Variants in OTULIN observed in about 807,000 individuals in gnomAD.
OTULIN encodes the protein OTU deubiquitinase with linear linkage specificity, also known as ubiquitin thioesterase otulin.
In OTULIN, 15 loss-of-function variants were observed where a neutral mutation model predicts 39.6. That is an observed-to-expected ratio of 0.38 (90% confidence interval 0.25 to 0.58). The LOEUF (loss-of-function observed/expected upper bound fraction) is 0.58. Among genes scored for constraint, OTULIN ranks in the 20% least tolerant of loss-of-function variants. The probability of loss-of-function intolerance (pLI) is 0.66; values close to 1 mark genes in which losing one functional copy is unlikely to be tolerated. For synonymous variants in OTULIN, 156 were observed against 170.3 expected (o/e 0.92, Z 0.65); for missense variants, 319 against 445.9 (o/e 0.72, Z 2.56).
At chr5:14,668,014 C>T (rs1462455717) in intron 1 of OTULIN, among the ~76,000 whole-genome samples, 1 of 152,160 alleles carries the variant, frequency 6.6e-6, no homozygotes, top group African/African-American at 2.4e-5. Flanking sequence ...CATGGCCCTT[C>T]TCTGCCTGTC....
rs1736653150 is a variant in OTULIN, at chr5:14,695,869, C to T, written c.*2821C>T. 1 of 152,192 alleles carries T rather than the reference C, an allele frequency of 6.6e-6. No homozygotes were observed. 9.4% of individuals were successfully genotyped at this position (152,192 alleles called of 1,614,324 possible). On this transcript the variant is annotated 3_prime_UTR_variant, in exon 7 of 7. Transcript: ENST00000284274. Reference sequence around the variant, plus strand: ...AGAGTGGATGAAAATGTTTTCAATGCACAGAACAGGATGAATCCTTTTTTC... The same window carrying T: ...AGAGTGGATGAAAATGTTTTCAATGTACAGAACAGGATGAATCCTTTTTTC...
At chr5:14,716,167 C>T in the OTULIN span, among the ~76,000 whole-genome samples, 1 of 152,190 alleles carries the variant, frequency 6.6e-6, no homozygotes, top group Non-Finnish European at 1.5e-5. Context: ...CCTTTCAGGT[C>T]TACTTCCTTT....
chr5:14,678,543 G>T, intron 2 of OTULIN, 138 bp from the exon 3 acceptor site: 1 of 621,586 alleles, frequency 1.6e-6, no homozygotes, highest in Non-Finnish European at 2.8e-6. Flanking sequence ...TGGACCAGCG[G>T]TTAGGCAGTG....
chr5:14,692,826 C>G, intron 6 of OTULIN, 28 bp from the exon 7 acceptor site: 1 of 1,603,866 alleles, frequency 6.2e-7, no homozygotes, highest in Non-Finnish European at 8.5e-7. Context: ...TGATCTTCCT[C>G]AGAATACCCG....
rs750954378 is a variant in OTULIN, at chr5:14,690,332, A to G, written c.864+24A>G. The G allele has an allele frequency of 3.1e-6, 5 of 1,604,530 alleles. No homozygotes were observed. The highest frequency in any genetic ancestry group is 1.3e-5 in the African/African-American group (1 of 74,398). On this transcript the variant is annotated intron_variant, in intron 6 of 6. Transcript: ENST00000284274. This position sits in a 1 kb window ranked among gnomAD's most constrained non-coding sequence, Gnocchi z 4.5. ...AGGTAAGTTGTGCTTTTGAGCATGT[A>G]TTACCCCAAAATAAAGCAGCTTTAC...
At chr5:14,703,041 A>C (rs2126365834), downstream of OTULIN, among the ~76,000 whole-genome samples, 1 of 152,212 alleles carries the variant, frequency 6.6e-6, no homozygotes, top group South Asian at 2.1e-4. Flanking sequence ...AGTAGTTTAG[A>C]ACTGTGTAGA....
chr5:14,706,030 T>A, the OTULIN span: 1 of 152,192 alleles, frequency 6.6e-6, no homozygotes, highest in Non-Finnish European at 1.5e-5. Context: ...CAGTGAGTGG[T>A]ACAACCATTT....
At chr5:14,669,210 C>A (rs780783179) in intron 1 of OTULIN, among the ~76,000 whole-genome samples, 1 of 151,848 alleles carries the variant, frequency 6.6e-6, no homozygotes, top group Non-Finnish European at 1.5e-5. Context: ...ACTAAAAATA[C>A]AAAAATTAGC....
chr5:14,672,578 C>T (rs1314092398), intron 1 of OTULIN, among the ~76,000 whole-genome samples: 6 of 152,066 alleles, frequency 3.9e-5, no homozygotes, highest in African/African-American at 7.3e-5. Context: ...GGTATGCGCT[C>T]ATGAGGCAGG....
rs1736754600 is a variant in OTULIN, at chr5:14,699,558, A to G, written c.*6510A>G. The G allele has an allele frequency of 6.6e-6, 1 of 152,188 alleles. No individual in the cohort carries two copies. Among genetic ancestry groups the G allele is most frequent in the Non-Finnish European group, 1.5e-5 (1 of 68,052 alleles). The allele number at this position is 152,188 out of a possible 1,614,324, so 9.4% of individuals were successfully genotyped here. Reference sequence around the variant, plus strand: ...GCACTTTCTCCCTCTACTTGTCTGAATTACGATGCTCTGCTCAACTCTGTG... The same window carrying G: ...GCACTTTCTCCCTCTACTTGTCTGAGTTACGATGCTCTGCTCAACTCTGTG... On this transcript the variant is annotated 3_prime_UTR_variant, in exon 7 of 7. Transcript: ENST00000284274.
At chr5:14,692,077 G>A (rs549954582) in intron 6 of OTULIN, among the ~76,000 whole-genome samples, 1 of 152,138 alleles carries the variant, frequency 6.6e-6, no homozygotes, top group East Asian at 1.9e-4. Flanking sequence ...TTTTTTATGT[G>A]AACATATGTT....
Position 14,673,701 on chromosome 5 carries a change from A to T in OTULIN, c.212A>T (p.His71Leu). 1 of 1,613,644 alleles carries T rather than the reference A, an allele frequency of 6.2e-7. No individual in the cohort carries two copies. The highest frequency in any genetic ancestry group is 8.5e-7 in the Non-Finnish European group (1 of 1,179,736). Residue 71 changes from histidine (H) to leucine (L), a missense_variant, in exon 2 of 7, where the codon CAT becomes CTT. Around this residue, in one of 4 missense-constraint regions of OTULIN, gnomAD observed 132 missense variants for 143.7 expected, o/e 0.92. Coordinates refer to ENST00000284274, the MANE Select transcript of OTULIN (RefSeq NM_138348.6). ...EIEKEKELLIHERGASEPRLS... is the reference protein window; with the variant it reads ...EIEKEKELLILERGASEPRLS... ...GAAAAGGAGAAAGAATTGCTTATAC[A>T]TGAAAGAGGGGCATCAGGTATGTTT...
intron 6 of OTULIN, among the ~76,000 whole-genome samples, chr5:14,692,093 T>C (rs772065084): frequency 2.0e-5 from 3 of 152,234 alleles, no homozygotes; most frequent in African/African-American, 7.2e-5. Context: ...ATGTTTGTAG[T>C]TCTCTTGGGT....
At chr5:14,683,595 C>T (rs1411368648) in intron 4 of OTULIN, among the ~76,000 whole-genome samples, 1 of 152,030 alleles carries the variant, frequency 6.6e-6, no homozygotes, top group Non-Finnish European at 1.5e-5. Flanking sequence ...TGGTGTATAC[C>T]TATGTTCTTA....
the OTULIN span, chr5:14,711,095 AAAAC>A: frequency 1.8e-6 from 2 of 1,101,740 alleles, no homozygotes; most frequent in Non-Finnish European, 1.4e-6. Context: ...TTACCAAAAC[AAAAC>A]AAAAAAAAGG....
At chr5:14,665,060 C>T (rs1735796473) in intron 1 of OTULIN, 83 bp downstream of exon 1, 1 of 839,458 alleles carries the variant, frequency 1.2e-6, no homozygotes. Context: ...GGGGAGTCGT[C>T]AGCGGAGGGT....
At chr5:14,680,306 A>G (rs1417122506) in intron 3 of OTULIN, among the ~76,000 whole-genome samples, 3 of 152,204 alleles carry the variant, frequency 2.0e-5, no homozygotes, top group African/African-American at 7.2e-5. Flanking sequence ...GGGGGAAAAA[A>G]GTACTTTTAT....
the OTULIN span, chr5:14,709,980 CTA>C: frequency 3.3e-5 from 5 of 152,048 alleles, no homozygotes; most frequent in Non-Finnish European, 5.9e-5. Context: ...TGAACCGTGT[CTA>C]TAATTTTTTT....
intron 1 of OTULIN, among the ~76,000 whole-genome samples, chr5:14,666,952 A>C (rs1285919210): frequency 6.6e-6 from 1 of 152,248 alleles, no homozygotes; most frequent in Non-Finnish European, 1.5e-5. Flanking sequence ...TATACAGCTT[A>C]ATAGTTGAGT....
Sources: allele counts gnomAD v4.1 joint callset (sites outside exome capture counted in the v4.1 genomes callset), GRCh38; gene constraint gnomAD v4.1.1; regional missense constraint gnomAD v4.1.1; non-coding constraint Gnocchi (gnomAD v3.1); transcripts MANE v1.5; gene names NCBI Gene and HGNC (gene_info 2026-07-23, HGNC 2026-07-21).